BIRC6: variants seen among roughly 807,000 people sequenced by gnomAD.
BIRC6 encodes the protein baculoviral IAP repeat containing 6.
A neutral mutation model predicts 503.3 loss-of-function variants in BIRC6; 98 were observed. The observed-to-expected ratio is 0.19, with a 90% CI of 0.17 to 0.23. BIRC6 has a LOEUF of 0.23. Among genes scored for constraint, BIRC6 ranks in the 10% least tolerant of loss-of-function variants. The probability of loss-of-function intolerance (pLI) is 1.00; values close to 1 mark genes in which losing one functional copy is unlikely to be tolerated. For missense variants in BIRC6, 5,360 were observed against 5,806.0 expected, an observed-to-expected ratio of 0.92 and a Z score of 2.50; for synonymous variants, 2,240 against 2,078.7, an observed-to-expected ratio of 1.08 and a Z score of -2.11.
At position 32,525,502 on chromosome 2, in the gene BIRC6, C is replaced by G. The variant is rs945632566; in HGVS notation, c.11794C>G (p.Pro3932Ala). ...ATCTAAACGTGCTGTGTCAGCTACA[C>G]CACCTCGCCCACCATCCAGGAGGGG... ...SQSKRAVSAT[P>A]PRPPSRRGRT... The change falls in exon 59 of 74, where the codon CCA (proline) becomes GCA (alanine). Residue 3932 changes from proline to alanine, a missense_variant. By Grantham distance (27) the Pro-to-Ala change is conservative (BLOSUM62 -1). Around this residue, in one of 16 missense-constraint regions of BIRC6, gnomAD observed 878 missense variants for 928.9 expected, o/e 0.95. Coordinates refer to ENST00000421745, the MANE Select transcript of BIRC6 (RefSeq NM_016252.4). The G allele has an allele frequency of 6.2e-7, 1 of 1,614,008 alleles. No homozygotes were observed. The highest frequency in any genetic ancestry group is 8.5e-7 in the Non-Finnish European group (1 of 1,179,894).
Position 32,392,206 on chromosome 2 carries a change from A to G in BIRC6, c.951+56A>G, listed in dbSNP as rs909135803. On this transcript the variant is annotated intron_variant, in intron 5 of 73. Coordinates refer to ENST00000421745, the MANE Select transcript of BIRC6 (RefSeq NM_016252.4). ...TCAGTAGGCCTTTGTAGCCCTCAGC[A>G]AAATTATCACATTTTTTTAACTTTT... The G allele has an allele frequency of 2.5e-6, 3 of 1,196,988 alleles. No homozygotes were observed. The African/African-American group carries it at 4.6e-5, about 19-fold the overall frequency. 74.1% of individuals were successfully genotyped at this position (1,196,988 alleles called of 1,614,324 possible).
At chr2:32,604,542 C>T (rs1330796380) in intron 71 of BIRC6, among the ~76,000 whole-genome samples, 3 of 152,178 alleles carry the variant, frequency 2.0e-5, no homozygotes, top group Non-Finnish European at 4.4e-5. Context: ...GGTAAGATAA[C>T]CCATGTCATA....
chr2:32,405,020 T>C (rs1213679422), intron 8 of BIRC6, among the ~76,000 whole-genome samples: 1 of 152,204 alleles, frequency 6.6e-6, no homozygotes, highest in Non-Finnish European at 1.5e-5. Flanking sequence ...TTAAGGCTTT[T>C]ATCTGGCAAC....
chr2:32,585,367 C>A (rs2060957309), intron 66 of BIRC6, among the ~76,000 whole-genome samples: 1 of 150,842 alleles, frequency 6.6e-6, no homozygotes. Context: ...TTGATTAGTA[C>A]AATATTTGGT....
intron 61 of BIRC6, among the ~76,000 whole-genome samples, chr2:32,539,579 A>G (rs1233377462): frequency 6.6e-6 from 1 of 152,194 alleles, no homozygotes; most frequent in Admixed American, 6.5e-5. Flanking sequence ...TTAGTAACAC[A>G]TGGATGAAAG....
At chr2:32,376,695 C>A (rs2036838432) in intron 1 of BIRC6, among the ~76,000 whole-genome samples, 1 of 152,066 alleles carries the variant, frequency 6.6e-6, no homozygotes, top group South Asian at 2.1e-4. Flanking sequence ...TGGTCTCATG[C>A]TGTTCAAACT....
At position 32,476,066 on chromosome 2, in the gene BIRC6, A is replaced by G. The variant is rs1332718436; in HGVS notation, c.6721-147A>G. On this transcript the variant is annotated intron_variant, in intron 33 of 73. Transcript: ENST00000421745. ...AGTCAGGATTTGAAATGATTTTTTA[A>G]AAAATTATCATCACAGTTAAAATTA... 6.9e-6 allele frequency: 4 copies of G among 582,686 alleles called. No homozygotes were observed. In the South Asian group the frequency reaches 8.7e-5, roughly 13 times the overall value. 36.1% of individuals were successfully genotyped at this position (582,686 alleles called of 1,614,324 possible).
At chr2:32,362,976 G>A (rs1448032385) in intron 1 of BIRC6, among the ~76,000 whole-genome samples, 1 of 152,144 alleles carries the variant, frequency 6.6e-6, no homozygotes, top group Non-Finnish European at 1.5e-5. Context: ...GTTTGCAGCA[G>A]TGTACTTACC....
At chr2:32,422,036 G>A (rs141109887) in intron 10 of BIRC6, among the ~76,000 whole-genome samples, 3 of 152,276 alleles carry the variant, frequency 2.0e-5, no homozygotes, top group Non-Finnish European at 2.9e-5. Flanking sequence ...TCGTTCTGAT[G>A]TATTGGTTCT....
At chr2:32,616,560 CAAAAAAAAAA>C (rs201587938) in intron 73 of BIRC6, among the ~76,000 whole-genome samples, 1 of 99,088 alleles carries the variant, frequency 1.0e-5, no homozygotes. Context: ...ACCTTGTTCT[CAAAAAAAAAA>C]AAAAAAAAAA....
chr2:32,527,248 A>G (rs2056350521), intron 59 of BIRC6: 1 of 152,262 alleles, frequency 6.6e-6, no homozygotes, highest in Admixed American at 6.5e-5. Flanking sequence ...AACACTTTGT[A>G]CCAGTGGCTT....
At position 32,415,821 on chromosome 2, in the gene BIRC6, A is replaced by G; in HGVS notation, c.2530A>G (p.Ile844Val). 3 of 1,613,836 alleles carry G rather than the reference A, an allele frequency of 1.9e-6. No homozygotes were observed. Among genetic ancestry groups the G allele is most frequent in the Non-Finnish European group, 1.7e-6 (2 of 1,179,870 alleles). Reference protein sequence around the residue: ...TRIVTLEEEPIKIQHIKDPQD... With the variant: ...TRIVTLEEEPVKIQHIKDPQD... ...GATAGTGACTTTAGAAGAGGAGCCA[A>G]TAAAAATACAACATATCAAAGATCC... Residue 844 changes from isoleucine (I) to valine (V), a missense_variant, in exon 10 of 74, where the codon ATA (isoleucine) becomes GTA (valine). Ile to Val is a conservative substitution (Grantham distance 29, BLOSUM62 3). Coordinates refer to ENST00000421745, the MANE Select transcript of BIRC6 (RefSeq NM_016252.4).
intron 64 of BIRC6, 103 bp downstream of exon 64, chr2:32,548,117 G>A: frequency 2.9e-6 from 3 of 1,045,546 alleles, no homozygotes; most frequent in South Asian, 4.5e-5. Context: ...CTATGTTTAT[G>A]CCCACTTGTG....
intron 65 of BIRC6, chr2:32,563,377 C>A (rs953874583): frequency 2.0e-5 from 3 of 151,824 alleles, no homozygotes; most frequent in Non-Finnish European, 2.9e-5. Context: ...AATGGGGGGG[C>A]AGGAGAAAAC....
intron 61 of BIRC6, among the ~76,000 whole-genome samples, chr2:32,540,195 A>G: frequency 6.6e-6 from 1 of 152,056 alleles, no homozygotes; most frequent in East Asian, 1.9e-4. Flanking sequence ...TTGAAATCAC[A>G]TTAATCCCAT....
intron 5 of BIRC6, among the ~76,000 whole-genome samples, chr2:32,393,586 A>G (rs560714924): frequency 2.0e-5 from 3 of 152,160 alleles, no homozygotes; most frequent in Non-Finnish European, 2.9e-5. Context: ...ATCACAGCTC[A>G]CTGTGCCACA....
intron 45 of BIRC6, among the ~76,000 whole-genome samples, chr2:32,496,699 T>TA (rs1194026199): frequency 6.6e-6 from 1 of 152,222 alleles, no homozygotes; most frequent in Non-Finnish European, 1.5e-5. Context: ...CCTTTTTCCT[T>TA]ATAAATTTTA....
intron 1 of BIRC6, among the ~76,000 whole-genome samples, chr2:32,369,087 A>C (rs2035401141): frequency 6.6e-6 from 1 of 152,182 alleles, no homozygotes; most frequent in South Asian, 2.1e-4. Flanking sequence ...TGTTTGAGTA[A>C]AGATCTGCAT....
intron 61 of BIRC6, among the ~76,000 whole-genome samples, chr2:32,542,530 G>A (rs1006152377): frequency 6.6e-6 from 1 of 152,144 alleles, no homozygotes; most frequent in African/African-American, 2.4e-5. Flanking sequence ...TTTCCTTATA[G>A]CTTGGTGCCA....
Sources: gnomAD v4.1 joint callset for allele counts (sites outside exome capture counted in the v4.1 genomes callset) on GRCh38, gnomAD v4.1.1 for gene constraint, gnomAD v4.1.1 regional missense constraint, MANE v1.5 for transcripts, NCBI Gene and HGNC (gene_info 2026-07-23, HGNC 2026-07-21) for gene names.